Variants in CFAP61 observed in about 807,000 individuals in gnomAD.
CFAP61 encodes cilia- and flagella-associated protein 61.
Under a neutral mutation model 135.6 loss-of-function variants are expected in CFAP61, and 107 were observed. The ratio of observed to expected loss-of-function variants is 0.79; its 90% CI spans 0.67 to 0.93. CFAP61 has a LOEUF of 0.93. Ranked by LOEUF, CFAP61 falls within the 40% of genes least tolerant of loss-of-function variation. The pLI is 0.00. For synonymous variants in CFAP61, 575 were observed against 578.5 expected (o/e 0.99, Z 0.09); for missense variants, 1,507 against 1,556.2 (o/e 0.97, Z 0.53).
Position 20,191,431 on chromosome 20 carries a change from A to G in CFAP61, c.1590+12A>G, listed in dbSNP as rs201449553. 2.0e-5 allele frequency: 32 copies of G among 1,596,532 alleles called. No homozygotes were observed. The highest frequency in any genetic ancestry group is 2.7e-5 in the Non-Finnish European group (31 of 1,166,048). On this transcript the variant is annotated intron_variant, in intron 15 of 26. Transcript: ENST00000245957. ...TCAGAAATGAAATGGTAAATTGTGAAGTGGATATAAATTTCTTTGATTGTG... is the reference window on the plus strand; with the variant it reads ...TCAGAAATGAAATGGTAAATTGTGAGGTGGATATAAATTTCTTTGATTGTG...
chr20:20,218,280 C>T (rs1044008022), intron 17 of CFAP61, among the ~76,000 whole-genome samples: 12 of 152,162 alleles, frequency 7.9e-5, no homozygotes, highest in South Asian at 2.1e-4. Flanking sequence ...ATAAGTCTCA[C>T]GAGATCTCAT....
intron 8 of CFAP61, among the ~76,000 whole-genome samples, chr20:20,123,640 G>T (rs1319106092): frequency 1.3e-5 from 2 of 151,276 alleles, no homozygotes; most frequent in East Asian, 3.9e-4. Flanking sequence ...CTGTTTTGGT[G>T]ACTCTCATGC....
At chr20:20,184,347 G>T (rs905446230) in intron 13 of CFAP61, among the ~76,000 whole-genome samples, 1 of 152,198 alleles carries the variant, frequency 6.6e-6, no homozygotes, top group Non-Finnish European at 1.5e-5. Flanking sequence ...GCCAGGCATT[G>T]CTCTAGCCAT....
intron 8 of CFAP61, among the ~76,000 whole-genome samples, chr20:20,129,671 C>T (rs1382454012): frequency 6.7e-6 from 1 of 150,320 alleles, no homozygotes; most frequent in Non-Finnish European, 1.5e-5. Flanking sequence ...ACTCCTTGAA[C>T]ACCAATAATT....
At chr20:20,317,824 A>T (rs1339534833) in intron 25 of CFAP61, among the ~76,000 whole-genome samples, 1 of 152,206 alleles carries the variant, frequency 6.6e-6, no homozygotes, top group Non-Finnish European at 1.5e-5. Flanking sequence ...GAGCAAATCC[A>T]AGTGAAATAG....
At chr20:20,287,769 A>G (rs974661428) in intron 22 of CFAP61, among the ~76,000 whole-genome samples, 2 of 152,212 alleles carry the variant, frequency 1.3e-5, no homozygotes, top group Non-Finnish European at 2.9e-5. Flanking sequence ...GATAAAATCA[A>G]TTGAGCGTGT....
chr20:20,268,689 C>T (rs1319947327), intron 21 of CFAP61, among the ~76,000 whole-genome samples: 1 of 152,160 alleles, frequency 6.6e-6, no homozygotes, highest in Non-Finnish European at 1.5e-5. Flanking sequence ...GCAAACAAAA[C>T]CTGGAGTGTT....
At chr20:20,188,127 A>C in intron 14 of CFAP61, 71 bp downstream of exon 14, 2 of 1,538,266 alleles carry the variant, frequency 1.3e-6, no homozygotes, top group Non-Finnish European at 1.8e-6. Context: ...TCAGCCCTGA[A>C]ACTTCCTTGG....
chr20:20,229,612 G>A (rs2048986671), intron 18 of CFAP61, among the ~76,000 whole-genome samples: 1 of 152,130 alleles, frequency 6.6e-6, no homozygotes, highest in African/African-American at 2.4e-5. Flanking sequence ...CCCTCAAAAG[G>A]TGTATGTGCC....
At chr20:20,314,391 CA>C (rs528868861) in intron 25 of CFAP61, among the ~76,000 whole-genome samples, 3,213 of 58,896 alleles carry the variant, frequency 0.055, 92 homozygotes, top group African/African-American at 0.14. Context: ...GACCCCATCT[CA>C]AAAAAAAAAA....
chr20:20,269,164 C>CATATATGTATATATACACATAT (rs1555941609), intron 21 of CFAP61, among the ~76,000 whole-genome samples: 2,835 of 112,456 alleles, frequency 0.025, 251 homozygotes, highest in Non-Finnish European at 0.036. Flanking sequence ...CACACACACA[C>CATATATGTATATATACACATAT]ATACATATAT....
At chr20:20,099,258 A>C (rs1418687655) in intron 8 of CFAP61, among the ~76,000 whole-genome samples, 2 of 152,182 alleles carry the variant, frequency 1.3e-5, no homozygotes, top group African/African-American at 4.8e-5. Flanking sequence ...TGTCTTTGAC[A>C]AATCATTATG....
intron 8 of CFAP61, among the ~76,000 whole-genome samples, chr20:20,126,561 A>T (rs6081883): frequency 1.3e-5 from 2 of 151,802 alleles, no homozygotes; most frequent in East Asian, 3.9e-4. Context: ...CTTCTAGCTT[A>T]TAGGGTTTCT....
chr20:20,150,751 G>A (rs1345791151), intron 9 of CFAP61, among the ~76,000 whole-genome samples: 3 of 152,150 alleles, frequency 2.0e-5, no homozygotes, highest in Non-Finnish European at 2.9e-5. Context: ...ACATTCCACA[G>A]CAATAACCCA....
intron 13 of CFAP61, among the ~76,000 whole-genome samples, chr20:20,176,614 C>T (rs1670197738): frequency 6.6e-6 from 1 of 152,132 alleles, no homozygotes; most frequent in Non-Finnish European, 1.5e-5. Context: ...GAACAGAAAA[C>T]CAAACACCGC....
chr20:20,290,392 G>C lies in CFAP61; in HGVS notation c.3216+1G>C. On this transcript the variant is annotated splice_donor_variant, in intron 24 of 26. Coordinates refer to ENST00000245957, the MANE Select transcript of CFAP61 (RefSeq NM_015585.4). LOFTEE classifies it high-confidence loss of function. ...GGTACAAATGGCACAGCCTAATTAT[G>C]TAAGTATTATTTCTGAATTTCATTT... is the stretch of plus-strand genomic sequence containing the variant. The C allele has an allele frequency of 6.4e-7, 1 of 1,573,446 alleles. No individual in the cohort carries two copies. The highest frequency in any genetic ancestry group is 1.3e-5 in the African/African-American group (1 of 74,186).
At chr20:20,181,205 GTATA>G (rs1368098274) in intron 13 of CFAP61, among the ~76,000 whole-genome samples, 1 of 132,660 alleles carries the variant, frequency 7.5e-6, no homozygotes, top group Non-Finnish European at 1.6e-5. Context: ...GTATATATAT[GTATA>G]TATACATATG....
intron 17 of CFAP61, chr20:20,200,579 C>T (rs1012992914): frequency 7.9e-6 from 3 of 381,896 alleles, no homozygotes; most frequent in African/African-American, 6.6e-5. Flanking sequence ...ACATAATTTT[C>T]TCATGTTGAC....
intron 9 of CFAP61, among the ~76,000 whole-genome samples, chr20:20,155,037 A>T (rs540282106): frequency 6.6e-6 from 1 of 152,306 alleles, no homozygotes; most frequent in South Asian, 2.1e-4. Flanking sequence ...CTATAAGGCT[A>T]TAGTTACCAA....
Sources: gnomAD v4.1 joint callset for allele counts (sites outside exome capture counted in the v4.1 genomes callset) on GRCh38, gnomAD v4.1.1 for gene constraint, MANE v1.5 for transcripts, NCBI Gene and HGNC (gene_info 2026-07-23, HGNC 2026-07-21) for gene names.